DYM: variants seen among roughly 807,000 people sequenced by gnomAD.
DYM encodes the protein dymeclin.
DYM carries 78 observed loss-of-function variants against 93.1 expected under a neutral mutation model. The ratio of observed to expected loss-of-function variants is 0.84; its 90% CI spans 0.70 to 1.01. The LOEUF (loss-of-function observed/expected upper bound fraction) is 1.01, where lower values mean the gene tolerates loss of function less well. DYM is among the 50% of genes least tolerant of loss of function. The pLI, the probability that DYM is intolerant of heterozygous loss-of-function variation, is 0.00. For synonymous variants in DYM, 321 were observed against 319.7 expected, an observed-to-expected ratio of 1.00 and a Z score of -0.04; for missense variants, 789 against 845.0, an observed-to-expected ratio of 0.93 and a Z score of 0.82.
At chr18:49,232,141 A>G (rs1035952489) in intron 13 of DYM, among the ~76,000 whole-genome samples, 2 of 152,094 alleles carry the variant, frequency 1.3e-5, no homozygotes, top group African/African-American at 4.8e-5. Context: ...TCTTGTTTGA[A>G]AGACAGGTAC....
chr18:49,132,295 G>A (rs1032721794), intron 15 of DYM, among the ~76,000 whole-genome samples: 10 of 152,042 alleles, frequency 6.6e-5, no homozygotes, highest in Non-Finnish European at 1.2e-4. Context: ...AGATATGGGG[G>A]TTCATTAAAC....
chr18:49,453,075 TG>T lies in DYM; in HGVS notation c.-54+7322del, dbSNP rs1465087979. Reference sequence around the variant, plus strand: ...CTGTGTCTAGCTCAAGGTTTGTAAATGTACCAATCCACACCCTGTGTCTAGC... The same window carrying T: ...CTGTGTCTAGCTCAAGGTTTGTAAATTACCAATCCACACCCTGTGTCTAGC... On this transcript the variant is annotated intron_variant, in intron 1 of 17. Coordinates refer to ENST00000675505, the MANE Select transcript of DYM (RefSeq NM_001353214.3). Among the ~76,000 whole-genome samples, 2 of 133,590 alleles carry T rather than the reference TG, an allele frequency of 1.5e-5. 1 individual carries two copies. The highest frequency in any genetic ancestry group is 3.2e-5 in the Non-Finnish European group (2 of 61,878). The allele number at this position is 133,590 out of a possible 152,430, so 87.6% of individuals were successfully genotyped here.
intron 17 of DYM, among the ~76,000 whole-genome samples, chr18:49,092,589 A>G (rs1408048933): frequency 1.3e-5 from 2 of 152,226 alleles, no homozygotes; most frequent in African/African-American, 4.8e-5. Context: ...CCAACGTCCT[A>G]GCAATGTTGT....
At chr18:49,292,331 G>GGCAGGCAGGCAA (rs2060173501) in intron 8 of DYM, among the ~76,000 whole-genome samples, 2 of 84,256 alleles carry the variant, frequency 2.4e-5, no homozygotes, top group Non-Finnish European at 2.7e-5. Flanking sequence ...CAGGCAGGCA[G>GGCAGGCAGGCAA]GCAGGCAGAC....
At chr18:49,317,395 C>T (rs767256596) in intron 8 of DYM, among the ~76,000 whole-genome samples, 11 of 151,994 alleles carry the variant, frequency 7.2e-5, no homozygotes, top group Admixed American at 2.0e-4. Flanking sequence ...GAAAGAAATT[C>T]CTGACAGAAT....
At chr18:49,382,042 C>T (rs780277334) in intron 3 of DYM, among the ~76,000 whole-genome samples, 1 of 152,154 alleles carries the variant, frequency 6.6e-6, no homozygotes. Flanking sequence ...ACAATCACCA[C>T]TCAGAATCCC....
At chr18:49,105,026 A>C (rs1264404407) in intron 16 of DYM, among the ~76,000 whole-genome samples, 1 of 152,182 alleles carries the variant, frequency 6.6e-6, no homozygotes, top group Non-Finnish European at 1.5e-5. Flanking sequence ...TCAGCTGTGA[A>C]TCCATCTGGT....
chr18:49,373,720 T>C (rs1343885109), intron 5 of DYM, among the ~76,000 whole-genome samples: 2 of 152,142 alleles, frequency 1.3e-5, no homozygotes, highest in Non-Finnish European at 2.9e-5. Context: ...TCTGACAATA[T>C]CACGTTAAAT....
intron 17 of DYM, among the ~76,000 whole-genome samples, chr18:49,070,494 C>G (rs1347246911): frequency 6.6e-6 from 1 of 152,204 alleles, no homozygotes; most frequent in African/African-American, 2.4e-5. Flanking sequence ...CTTCATTTCA[C>G]ACTCAAGGAA....
At chr18:49,136,434 A>G (rs2083857228) in intron 15 of DYM, among the ~76,000 whole-genome samples, 1 of 152,154 alleles carries the variant, frequency 6.6e-6, no homozygotes, top group Admixed American at 6.5e-5. Context: ...TTGTGTTTTT[A>G]TAATGAATTT....
intron 6 of DYM, among the ~76,000 whole-genome samples, chr18:49,344,717 A>G (rs1450406618): frequency 1.3e-5 from 2 of 151,978 alleles, no homozygotes; most frequent in Non-Finnish European, 2.9e-5. Flanking sequence ...AAAAAAAAAG[A>G]CCTGAATCCA....
intron 6 of DYM, among the ~76,000 whole-genome samples, chr18:49,358,579 A>G (rs1176718067): frequency 6.6e-6 from 1 of 152,206 alleles, no homozygotes; most frequent in African/African-American, 2.4e-5. Flanking sequence ...GTTTTCTTAG[A>G]TTAAATTATA....
intron 11 of DYM, among the ~76,000 whole-genome samples, chr18:49,262,958 G>T (rs1284620886): frequency 6.6e-6 from 1 of 151,868 alleles, no homozygotes; most frequent in African/African-American, 2.4e-5. Context: ...ATGAAAGTCA[G>T]AAAAAAAGAA....
chr18:49,056,585 T>C (rs979121820), intron 17 of DYM, among the ~76,000 whole-genome samples: 1 of 152,234 alleles, frequency 6.6e-6, no homozygotes. Context: ...TTGGCCAGGC[T>C]GGAGTGCATT....
At chr18:49,146,904 A>G (rs1368201566) in intron 15 of DYM, among the ~76,000 whole-genome samples, 2 of 152,196 alleles carry the variant, frequency 1.3e-5, no homozygotes, top group Non-Finnish European at 2.9e-5. Flanking sequence ...CCTAAGCCAA[A>G]AGAACAAAGC....
intron 3 of DYM, among the ~76,000 whole-genome samples, chr18:49,381,190 C>T (rs1381275574): frequency 1.3e-5 from 2 of 151,872 alleles, no homozygotes; most frequent in East Asian, 3.9e-4. Context: ...GATGGTTTTG[C>T]CCTATGTTGC....
rs377621156 is a variant in DYM, at chr18:49,176,634, T to C, written c.1626-12847A>G. Among the ~76,000 whole-genome samples the C allele has an allele frequency of 4.7e-5, 7 of 150,170 alleles. No homozygotes were observed. The East Asian group carries it at 5.8e-4, about 12-fold the overall frequency. On this transcript the variant is annotated intron_variant, in intron 14 of 17. Coordinates refer to ENST00000675505, the MANE Select transcript of DYM (RefSeq NM_001353214.3). ...CTTGCCTTGTTGCCCGCACTGGTCT[T>C]GAACTTCTGGCCTCAAATGATCCTC...
In DYM at chr18:49,243,161, G is replaced by A. The variant is rs1412048720; in HGVS notation, c.1460+13849C>T. 2.0e-5 allele frequency among the ~76,000 whole-genome samples: 3 copies of A among 152,106 alleles called. No homozygotes were observed. The East Asian group carries it at 5.8e-4, about 29-fold the overall frequency. ...CTGGTAAGGCTTCCGTGACACTCAG[G>A]TGAGCGGGCTGCCTTCTCCTGGGTC... On this transcript the variant is annotated intron_variant, in intron 13 of 17. Coordinates refer to ENST00000675505, the MANE Select transcript of DYM (RefSeq NM_001353214.3).
chr18:49,385,078 GA>G (rs112554315), intron 3 of DYM, among the ~76,000 whole-genome samples: 1,691 of 138,574 alleles, frequency 0.012, 28 homozygotes, highest in African/African-American at 0.042. Context: ...AAAGAAAAAA[GA>G]AAAAAAAAAA....
Sources: gnomAD v4.1 joint callset for allele counts (sites outside exome capture counted in the v4.1 genomes callset) on GRCh38, gnomAD v4.1.1 for gene constraint, MANE v1.5 for transcripts, NCBI Gene and HGNC (gene_info 2026-07-23, HGNC 2026-07-21) for gene names.